EIF3H: variants seen among roughly 807,000 people sequenced by gnomAD.
The protein encoded by EIF3H is eIF-3-gamma.
EIF3H carries 26 observed loss-of-function variants against 44.2 expected under a neutral mutation model. The ratio of observed to expected loss-of-function variants is 0.59; its 90% CI spans 0.43 to 0.82. The LOEUF is 0.82. EIF3H is among the 40% of genes least tolerant of loss of function. The probability of loss-of-function intolerance (pLI) is 0.00; values close to 1 mark genes in which losing one functional copy is unlikely to be tolerated. For missense variants in EIF3H, 359 were observed against 432.8 expected (o/e 0.83, Z 1.51); for synonymous variants, 166 against 151.9 (o/e 1.09, Z -0.68).
intron 2 of EIF3H, among the ~76,000 whole-genome samples, chr8:116,701,390 G>A (rs890020000): frequency 6.6e-6 from 1 of 152,092 alleles, no homozygotes; most frequent in Admixed American, 6.6e-5. Context: ...TTAATTAGTA[G>A]GGTGTTTTTC....
At chr8:116,668,750 G>A (rs1167891234) in intron 2 of EIF3H, among the ~76,000 whole-genome samples, 2 of 152,020 alleles carry the variant, frequency 1.3e-5, no homozygotes, top group Non-Finnish European at 2.9e-5. Context: ...AGCGGGGGGT[G>A]GGCACAATAC....
intron 1 of EIF3H, among the ~76,000 whole-genome samples, chr8:116,747,316 T>A (rs1173054005): frequency 6.6e-6 from 1 of 152,202 alleles, no homozygotes; most frequent in Non-Finnish European, 1.5e-5. Flanking sequence ...TCCGCCCACC[T>A]CAGCCTGCCA....
Position 116,735,983 on chromosome 8 carries a change from T to C in EIF3H, c.133-9811A>G, listed in dbSNP as rs568534742. On this transcript the variant is annotated intron_variant, in intron 1 of 7. Transcript: ENST00000521861. Reference sequence around the variant, plus strand: ...TGAAAAAGCTTCACATTTTGGAACTTTTCAAATTCTGGATTTTGCAATTAG... The same window carrying C: ...TGAAAAAGCTTCACATTTTGGAACTCTTCAAATTCTGGATTTTGCAATTAG... 1.8e-4 allele frequency among the ~76,000 whole-genome samples: 28 copies of C among 152,332 alleles called. No individual in the cohort carries two copies. The East Asian group carries it at 2.9e-3, about 16-fold the overall frequency.
At chr8:116,652,234 T>C (rs1462345131) in intron 5 of EIF3H, among the ~76,000 whole-genome samples, 1 of 152,180 alleles carries the variant, frequency 6.6e-6, no homozygotes, top group Non-Finnish European at 1.5e-5. Flanking sequence ...GAGTCTAAAA[T>C]ACTCAGTGAC....
chr8:116,655,091 CCA>C (rs1464122084), intron 5 of EIF3H, among the ~76,000 whole-genome samples: 3 of 151,836 alleles, frequency 2.0e-5, no homozygotes, highest in African/African-American at 7.3e-5. Context: ...CCTCCTTCCA[CCA>C]CAGACAAAAT....
intron 1 of EIF3H, among the ~76,000 whole-genome samples, chr8:116,736,437 G>A (rs1001362129): frequency 6.6e-6 from 1 of 152,166 alleles, no homozygotes; most frequent in Admixed American, 6.5e-5. Context: ...TGAGGCCAGC[G>A]GATCACGGGG....
At chr8:116,734,011 A>C (rs1814991866) in intron 1 of EIF3H, among the ~76,000 whole-genome samples, 1 of 152,206 alleles carries the variant, frequency 6.6e-6, no homozygotes, top group Non-Finnish European at 1.5e-5. Flanking sequence ...CTTGCAGTCA[A>C]TCCTTTATGA....
intron 1 of EIF3H, among the ~76,000 whole-genome samples, chr8:116,752,862 GAGAGA>G (rs375215691): frequency 1.3e-4 from 19 of 151,558 alleles, no homozygotes; most frequent in African/African-American, 3.6e-4. Context: ...AAAAAAGAGA[GAGAGA>G]AGAGAAGAGT....
chr8:116,733,590 TC>T (rs1814985653), intron 1 of EIF3H, among the ~76,000 whole-genome samples: 2 of 152,036 alleles, frequency 1.3e-5, no homozygotes. Context: ...TTCATGTATT[TC>T]AAGGCCCTTT....
Position 116,655,916 on chromosome 8 carries a change from C to T in EIF3H, c.647G>A (p.Trp216Ter). The T allele has an allele frequency of 6.2e-7, 1 of 1,613,678 alleles. No individual in the cohort carries two copies. Among genetic ancestry groups the T allele is most frequent in the Non-Finnish European group, 8.5e-7 (1 of 1,179,744 alleles). ...KNSHLINVLM[W>*]ELEKKSAVAD... ...AACAGCTGACTTCTTTTCAAGTTCCCACATTAGGACATTGATCAGATGTGA... is the reference window on the plus strand; with the variant it reads ...AACAGCTGACTTCTTTTCAAGTTCCTACATTAGGACATTGATCAGATGTGA... The change falls in exon 5 of 8, where the codon TGG becomes TAG. Residue 216 changes from tryptophan to a stop codon, truncating the protein, a stop_gained. Coordinates refer to ENST00000521861, the MANE Select transcript of EIF3H (RefSeq NM_003756.3). LOFTEE classifies it high-confidence loss of function.
intron 7 of EIF3H, 26 bp downstream of exon 7, chr8:116,646,445 C>A (rs1258293692): frequency 6.2e-7 from 1 of 1,613,918 alleles, no homozygotes. Flanking sequence ...ACAAAACCAG[C>A]CAGGTTTTGC....
At chr8:116,707,967 C>G (rs1408228756) in intron 2 of EIF3H, among the ~76,000 whole-genome samples, 1 of 152,082 alleles carries the variant, frequency 6.6e-6, no homozygotes, top group Admixed American at 6.5e-5. Flanking sequence ...TTTCCTGATT[C>G]AGTCAGTCAC....
chr8:116,762,024 T>C (rs1054900665), intron 1 of EIF3H, among the ~76,000 whole-genome samples: 9 of 152,236 alleles, frequency 5.9e-5, no homozygotes, highest in East Asian at 5.8e-4. Flanking sequence ...ACAGTTTCTA[T>C]AGTATGTAAA....
intron 1 of EIF3H, among the ~76,000 whole-genome samples, chr8:116,738,872 C>T (rs1454977406): frequency 6.6e-6 from 1 of 152,158 alleles, no homozygotes; most frequent in Admixed American, 6.5e-5. Context: ...CTAAAACTAA[C>T]TTAAAAGTTA....
chr8:116,714,139 T>C (rs1814621164), intron 2 of EIF3H, among the ~76,000 whole-genome samples: 1 of 152,102 alleles, frequency 6.6e-6, no homozygotes, highest in Non-Finnish European at 1.5e-5. Context: ...AAATAAAAAA[T>C]ATATACATAT....
At chr8:116,742,860 G>A (rs186947051) in intron 1 of EIF3H, among the ~76,000 whole-genome samples, 2 of 152,288 alleles carry the variant, frequency 1.3e-5, no homozygotes, top group East Asian at 1.9e-4. Flanking sequence ...TGTGCCATAT[G>A]CATGTATTAT....
chr8:116,672,788 A>G (rs762535103), intron 2 of EIF3H, among the ~76,000 whole-genome samples: 6 of 152,126 alleles, frequency 3.9e-5, no homozygotes, highest in Non-Finnish European at 8.8e-5. Context: ...AATCGGCCTC[A>G]AGATAATCTG....
chr8:116,714,574 C>T (rs1244436876), intron 2 of EIF3H, among the ~76,000 whole-genome samples: 1 of 151,900 alleles, frequency 6.6e-6, no homozygotes, highest in African/African-American at 2.4e-5. Context: ...TTTTATTATA[C>T]CTCCACACTT....
At position 116,644,899 on chromosome 8, in the gene EIF3H, A is replaced by T; in HGVS notation, c.*107T>A. ...TATAGCCAAAATCGGCAATGACACT[A>T]AAGAAATCCTCTGTGCTTTTCAATA... On this transcript the variant is annotated 3_prime_UTR_variant, in exon 8 of 8. Coordinates refer to ENST00000521861, the MANE Select transcript of EIF3H (RefSeq NM_003756.3). 1.1e-6 allele frequency: 1 copy of T among 885,026 alleles called. No homozygotes were observed. Among genetic ancestry groups the T allele is most frequent in the Non-Finnish European group, 1.7e-6 (1 of 573,486 alleles). The allele number at this position is 885,026 out of a possible 1,614,324, so 54.8% of individuals were successfully genotyped here.
Sources: allele counts gnomAD v4.1 joint callset (sites outside exome capture counted in the v4.1 genomes callset), GRCh38; gene constraint gnomAD v4.1.1; transcripts MANE v1.5; gene names NCBI Gene and HGNC (gene_info 2026-07-23, HGNC 2026-07-21).